The following PCF11 variants were observed in gnomAD, a reference collection of about 807,000 sequenced individuals.
PCF11 encodes the protein PCF11 cleavage and polyadenylation factor subunit.
In PCF11, 19 loss-of-function variants were observed where a neutral mutation model predicts 166.1. That is an observed-to-expected ratio of 0.11 (90% CI 0.08 to 0.17). The LOEUF is 0.17. Ranked by LOEUF, PCF11 falls within the 10% of genes least tolerant of loss-of-function variation. PCF11 has a pLI of 1.00. For synonymous variants in PCF11, 663 were observed against 644.1 expected (o/e 1.03, Z -0.44); for missense variants, 1,565 against 1,855.5 (o/e 0.84, Z 2.88).
chr11:83,183,907 T>C (rs1158841019), intron 15 of PCF11, among the ~76,000 whole-genome samples: 1 of 151,448 alleles, frequency 6.6e-6, no homozygotes, highest in Non-Finnish European at 1.5e-5. Context: ...TCCCAGCACT[T>C]TTGGGAGGCC....
At position 83,167,082 on chromosome 11, in the gene PCF11, T is replaced by TA. The variant is rs759132468; in HGVS notation, c.1818-36dup. On this transcript the variant is annotated intron_variant, in intron 5 of 15. Transcript: ENST00000298281. The surrounding 1 kb of genome is among the most constrained non-coding windows in gnomAD (Gnocchi z 4.2). ...TTTAAATATGGTCCTGAGTATTTTTTAAAAAAACATTTCAATGTAACATAC... is the reference window on the plus strand; with the variant it reads ...TTTAAATATGGTCCTGAGTATTTTTTAAAAAAAACATTTCAATGTAACATAC... 1.8e-4 allele frequency: 275 copies of TA among 1,487,918 alleles called. No individual in the cohort carries two copies. Among genetic ancestry groups the TA allele is most frequent in the Non-Finnish European group, 2.4e-4 (266 of 1,089,730 alleles). 92.2% of individuals were successfully genotyped at this position (1,487,918 alleles called of 1,614,324 possible).
intron 13 of PCF11, 77 bp from the exon 14 acceptor site, chr11:83,182,322 A>C: frequency 1.3e-6 from 1 of 755,862 alleles, no homozygotes; most frequent in Non-Finnish European, 2.2e-6. Flanking sequence ...TCCACTTAAC[A>C]GTGTTTGTAT....
intron 8 of PCF11, 82 bp downstream of exon 8, chr11:83,170,077 A>G (rs1860633572): frequency 1.7e-6 from 2 of 1,180,584 alleles, no homozygotes; most frequent in Middle Eastern, 2.8e-4. Context: ...TTCAGGACAT[A>G]GTTTATTGTG....
intron 15 of PCF11, 36 bp downstream of exon 15, chr11:83,183,109 T>G: frequency 8.1e-7 from 1 of 1,235,186 alleles, no homozygotes; most frequent in Non-Finnish European, 1.1e-6. Flanking sequence ...TGTTCTCATT[T>G]GCATTAATAA....
At chr11:83,170,558 T>C (rs1019948673) in intron 8 of PCF11, among the ~76,000 whole-genome samples, 1 of 152,216 alleles carries the variant, frequency 6.6e-6, no homozygotes, top group African/African-American at 2.4e-5. Flanking sequence ...GCCTTCCAAA[T>C]ACACTCTGGT....
At chr11:83,185,290 T>A (rs1861245187) in exon 16 of PCF11, 1 of 155,838 alleles carries the variant, frequency 6.4e-6, no homozygotes, top group Admixed American at 6.5e-5. Context: ...AACCTCAACA[T>A]AAGATTTTTT....
exon 8 of PCF11, chr11:83,168,652 C>A (rs1333323262): frequency 6.2e-7 from 1 of 1,613,752 alleles, no homozygotes; most frequent in African/African-American, 1.3e-5. Flanking sequence ...TTTTGAAGGA[C>A]CCAATAAATT....
chr11:83,169,096 C>T, exon 8 of PCF11: 1 of 1,613,590 alleles, frequency 6.2e-7, no homozygotes, highest in Non-Finnish European at 8.5e-7. Flanking sequence ...TGAGGGGGGT[C>T]ATGGTCCATC....
At chr11:83,168,433 C>A in exon 8 of PCF11, 1 of 1,580,494 alleles carries the variant, frequency 6.3e-7, no homozygotes. Context: ...AAAAGGTGTG[C>A]GAGAAGAGCA....
chr11:83,177,723 A>G, exon 11 of PCF11: 1 of 1,518,344 alleles, frequency 6.6e-7, no homozygotes, highest in East Asian at 2.5e-5. Context: ...GAAGTAAGTG[A>G]AGTAACTGCT....
chr11:83,171,614 T>G (rs1018865992), intron 8 of PCF11, among the ~76,000 whole-genome samples: 1 of 152,224 alleles, frequency 6.6e-6, no homozygotes, highest in Non-Finnish European at 1.5e-5. Flanking sequence ...AACTTATACC[T>G]CTATGAAACA....
intron 9 of PCF11, among the ~76,000 whole-genome samples, chr11:83,173,703 GTTTC>G (rs1469355176): frequency 1.3e-4 from 11 of 86,270 alleles, no homozygotes; most frequent in South Asian, 8.5e-4. Flanking sequence ...AAATTTTCTT[GTTTC>G]TTTCTTTCTT....
exon 5 of PCF11, chr11:83,166,373 A>G (rs535265386): frequency 6.2e-7 from 1 of 1,613,960 alleles, no homozygotes; most frequent in Non-Finnish European, 8.5e-7. Flanking sequence ...CACCAATTAT[A>G]CATTCCCCAA....
At chr11:83,180,889 T>A in intron 11 of PCF11, 119 bp from the exon 12 acceptor site, 2 of 557,406 alleles carry the variant, frequency 3.6e-6, no homozygotes, top group Non-Finnish European at 6.4e-6. Flanking sequence ...ATTAACTGTT[T>A]CAGCCAGCTC....
intron 1 of PCF11, chr11:83,158,348 A>AGGAGATCTTATCCAACCTGTAGGT (rs1272996798): frequency 6.6e-6 from 1 of 151,850 alleles, no homozygotes; most frequent in African/African-American, 2.4e-5. Flanking sequence ...GGGTGGGGGG[A>AGGAGATCTTATCCAACCTGTAGGT]GGAGATCTTA....
Position 83,173,719 on chromosome 11 carries a change from C to CTTTTTTTTTTTTTTTTTTTT in PCF11, c.3757+1814_3757+1833dup, listed in dbSNP as rs869126679. Among the ~76,000 whole-genome samples, 21 of 59,060 alleles carry CTTTTTTTTTTTTTTTTTTTT rather than the reference C, an allele frequency of 3.6e-4. 1 individual carries two copies. The highest frequency in any genetic ancestry group is 6.6e-4 in the East Asian group (1 of 1,518). 38.7% of individuals were successfully genotyped at this position (59,060 alleles called of 152,430 possible). On this transcript the variant is annotated intron_variant, in intron 9 of 15. Transcript: ENST00000298281. Reference sequence around the variant, plus strand: ...AATTTTCTTGTTTCTTTCTTTCTTTCTTTTTTTTTTTTTTTTTTTTTTTTT... The same window carrying CTTTTTTTTTTTTTTTTTTTT: ...AATTTTCTTGTTTCTTTCTTTCTTTCTTTTTTTTTTTTTTTTTTTTTTTTTTTTTTTTTTTTTTTTTTTTT...
chr11:83,159,913 CTT>C (rs1278079658), intron 1 of PCF11, among the ~76,000 whole-genome samples: 3 of 152,114 alleles, frequency 2.0e-5, no homozygotes, highest in Admixed American at 6.5e-5. Context: ...ACTTAACAGA[CTT>C]TGGTGTTTAA....
chr11:83,168,571 G>C, exon 8 of PCF11: 1 of 1,613,998 alleles, frequency 6.2e-7, no homozygotes, highest in Non-Finnish European at 8.5e-7. Flanking sequence ...TACAGCTTTA[G>C]CTGAAGACAG....
intron 1 of PCF11, 177 bp downstream of exon 1, chr11:83,157,808 G>T (rs545306367): frequency 3.2e-6 from 2 of 620,532 alleles, no homozygotes; most frequent in East Asian, 5.5e-5. Flanking sequence ...GGCCTCTGGG[G>T]GGGAGGGAGT....
Sources: gnomAD v4.1 joint callset for allele counts (sites outside exome capture counted in the v4.1 genomes callset) on GRCh38, gnomAD v4.1.1 for gene constraint, Gnocchi (gnomAD v3.1) non-coding constraint, MANE v1.5 for transcripts, NCBI Gene and HGNC (gene_info 2026-07-23, HGNC 2026-07-21) for gene names.